THSD4: variants seen among roughly 807,000 people sequenced by gnomAD.
The protein encoded by THSD4 is thrombospondin type-1 domain-containing protein 4.
A neutral mutation model predicts 119.0 loss-of-function variants in THSD4; 69 were observed. The ratio of observed to expected loss-of-function variants is 0.58; its 90% confidence interval spans 0.48 to 0.71. THSD4 has a LOEUF of 0.71. Ranked by LOEUF, THSD4 falls within the 30% of genes least tolerant of loss-of-function variation. The pLI, the probability that THSD4 is intolerant of heterozygous loss-of-function variation, is 0.00. For missense variants in THSD4, 1,393 were observed against 1,391.1 expected, an observed-to-expected ratio of 1.00 and a Z score of -0.02; for synonymous variants, 524 against 540.4, an observed-to-expected ratio of 0.97 and a Z score of 0.42.
At chr15:71,313,499 G>A (rs2045141183) in intron 6 of THSD4, among the ~76,000 whole-genome samples, 1 of 152,050 alleles carries the variant, frequency 6.6e-6, no homozygotes, top group South Asian at 2.1e-4. Context: ...AGGGAGGGTC[G>A]GGGGAGAGCA....
intron 6 of THSD4, among the ~76,000 whole-genome samples, chr15:71,322,193 C>A (rs985970942): frequency 6.6e-6 from 1 of 152,190 alleles, no homozygotes; most frequent in African/African-American, 2.4e-5. Context: ...ACCCCTTGGT[C>A]TCCTGATTTG....
chr15:71,292,462 T>G (rs1288082935), intron 6 of THSD4, among the ~76,000 whole-genome samples: 1 of 152,148 alleles, frequency 6.6e-6, no homozygotes, highest in Non-Finnish European at 1.5e-5. Context: ...TCCTTGTCTT[T>G]CCTATTTTCT....
At position 71,748,580 on chromosome 15, in the gene THSD4, G is replaced by T. The variant is rs767893556; in HGVS notation, c.2401G>T (p.Glu801Ter). 1 of 1,614,088 alleles carries T rather than the reference G, an allele frequency of 6.2e-7. No individual in the cohort carries two copies. The highest frequency in any genetic ancestry group is 8.5e-7 in the Non-Finnish European group (1 of 1,180,012). The stretch of plus-strand genomic sequence containing the variant: ...CTGTGCCAAGAGCTGGTTCCTCACC[G>T]AGTGGAGCGAAAGGGTGAGTGTGAT... ...GPCAKSWFLT[E>*]WSERCSAECG... is the part of the protein sequence containing the mutation. Residue 801 changes from glutamate (E) to a stop codon, truncating the protein, a stop_gained, in exon 14 of 18, where the codon GAG becomes TAG. Coordinates refer to ENST00000261862, the MANE Select transcript of THSD4 (RefSeq NM_024817.3). LOFTEE classifies it high-confidence loss of function.
intron 6 of THSD4, among the ~76,000 whole-genome samples, chr15:71,324,365 A>C (rs1031254628): frequency 1.3e-5 from 2 of 152,118 alleles, no homozygotes; most frequent in Non-Finnish European, 2.9e-5. Flanking sequence ...ACACAGATGA[A>C]TTGTAGAGTG....
chr15:71,290,148 G>T (rs1176017806), intron 6 of THSD4, among the ~76,000 whole-genome samples: 1 of 152,166 alleles, frequency 6.6e-6, no homozygotes, highest in East Asian at 1.9e-4. Flanking sequence ...CCCCTACTGT[G>T]TCTTGTTACT....
At chr15:71,453,677 C>T (rs763376439) in intron 7 of THSD4, among the ~76,000 whole-genome samples, 1 of 152,148 alleles carries the variant, frequency 6.6e-6, no homozygotes, top group Non-Finnish European at 1.5e-5. Context: ...TGGCTTTGTT[C>T]CCTGGAGGTA....
At chr15:71,398,851 A>G (rs2046485568) in intron 6 of THSD4, among the ~76,000 whole-genome samples, 1 of 152,050 alleles carries the variant, frequency 6.6e-6, no homozygotes, top group South Asian at 2.1e-4. Flanking sequence ...AGACAGGGGC[A>G]TGGTGTTAGA....
intron 6 of THSD4, among the ~76,000 whole-genome samples, chr15:71,309,277 G>A (rs955552187): frequency 6.6e-6 from 1 of 152,136 alleles, no homozygotes; most frequent in African/African-American, 2.4e-5. Context: ...CTAATGTTGA[G>A]CATATTACTG....
chr15:71,112,408 A>G (rs1259756013), upstream of THSD4: 6 of 515,396 alleles, frequency 1.2e-5, no homozygotes, highest in African/African-American at 2.0e-5. Context: ...ATGACAGAAG[A>G]GTTATGTTTC....
intron 1 of THSD4, among the ~76,000 whole-genome samples, chr15:71,132,970 C>G (rs1567134046): frequency 6.6e-6 from 1 of 152,202 alleles, no homozygotes; most frequent in Admixed American, 6.5e-5. Flanking sequence ...GCCAAGGCAG[C>G]TGGAGAATAT....
intron 7 of THSD4, among the ~76,000 whole-genome samples, chr15:71,570,951 A>G (rs1383550581): frequency 6.6e-6 from 1 of 152,146 alleles, no homozygotes; most frequent in Non-Finnish European, 1.5e-5. Flanking sequence ...TGTGGTACAG[A>G]CGTGGCTGCG....
Position 71,243,054 on chromosome 15 carries a change from A to G in THSD4, c.870A>G (p.Ser290=), listed in dbSNP as rs771279802. Residue 290 remains serine (S), a synonymous_variant, in exon 5 of 18, where the codon TCA becomes TCG. Coordinates refer to ENST00000261862, the MANE Select transcript of THSD4 (RefSeq NM_024817.3). ...AGCCTGCCCGATCTACAGCAATCTCATGCATCGGGGCCTATCGGCAGTACA... is the reference window on the plus strand; with the variant it reads ...AGCCTGCCCGATCTACAGCAATCTCGTGCATCGGGGCCTATCGGCAGTACA... ...FSQPARSTAI[S]CIGAYRQYKL... 1.7e-5 allele frequency: 27 copies of G among 1,611,076 alleles called. No individual in the cohort carries two copies. Among genetic ancestry groups the G allele is most frequent in the Non-Finnish European group, 2.0e-5 (24 of 1,177,492 alleles).
intron 6 of THSD4, among the ~76,000 whole-genome samples, chr15:71,377,499 A>G (rs2046154257): frequency 6.6e-6 from 1 of 151,924 alleles, no homozygotes; most frequent in South Asian, 2.1e-4. Flanking sequence ...GGAAGGAACA[A>G]CCCCAGGGGA....
chr15:71,675,719 A>G (rs2051632384), intron 8 of THSD4, among the ~76,000 whole-genome samples: 3 of 152,172 alleles, frequency 2.0e-5, no homozygotes, highest in Non-Finnish European at 4.4e-5. Flanking sequence ...CATCATCTGC[A>G]TTTTATAGTT....
In THSD4 at chr15:71,215,075, A is replaced by ACGG. The variant is rs764215317; in HGVS notation, c.152_154dup (p.Gly51dup). The ACGG allele has an allele frequency of 2.7e-4, 352 of 1,300,936 alleles. No individual in the cohort carries two copies. The highest frequency in any genetic ancestry group is 3.3e-4 in the Non-Finnish European group (341 of 1,022,858). 80.6% of individuals were successfully genotyped at this position (1,300,936 alleles called of 1,614,324 possible). On this transcript the variant is annotated inframe_insertion, in exon 4 of 18. Coordinates refer to ENST00000261862, the MANE Select transcript of THSD4 (RefSeq NM_024817.3). ...GCGGCGGAGGGCGCCCCCGAGGACG[A>ACGG]CGGCGGCGGCGGCGCCCCGGGAGTG... is the stretch of plus-strand genomic sequence containing the variant.
intron 6 of THSD4, among the ~76,000 whole-genome samples, chr15:71,273,309 A>T (rs530363244): frequency 6.6e-6 from 1 of 152,232 alleles, no homozygotes; most frequent in Admixed American, 6.5e-5. Flanking sequence ...TGAATATTAG[A>T]TGATCTCACT....
At chr15:71,604,684 A>G (rs1222265520) in intron 7 of THSD4, among the ~76,000 whole-genome samples, 1 of 152,236 alleles carries the variant, frequency 6.6e-6, no homozygotes, top group Non-Finnish European at 1.5e-5. Context: ...AGTTCTAGCA[A>G]GCAAGGGCTA....
At chr15:71,654,603 T>C (rs956282220) in intron 7 of THSD4, among the ~76,000 whole-genome samples, 1 of 152,198 alleles carries the variant, frequency 6.6e-6, no homozygotes. Flanking sequence ...TGCCTAACAG[T>C]AATAACAGGA....
intron 3 of THSD4, among the ~76,000 whole-genome samples, chr15:71,173,739 G>A (rs1356185362): frequency 6.6e-6 from 1 of 151,944 alleles, no homozygotes; most frequent in Non-Finnish European, 1.5e-5. Flanking sequence ...TAACAAAGTT[G>A]GAGGACTCAT....
Sources: allele counts gnomAD v4.1 joint callset (sites outside exome capture counted in the v4.1 genomes callset), GRCh38; gene constraint gnomAD v4.1.1; transcripts MANE v1.5; gene names NCBI Gene and HGNC (gene_info 2026-07-23, HGNC 2026-07-21).